The following UMPS variants were observed in gnomAD, a reference collection of about 807,000 sequenced individuals.
The protein encoded by UMPS is uridine monophosphate synthetase, also known as uridine 5'-monophosphate synthase.
UMPS carries 21 observed loss-of-function variants against 38.9 expected under a neutral mutation model. That is an observed-to-expected ratio of 0.54 (90% CI 0.38 to 0.78). The LOEUF (loss-of-function observed/expected upper bound fraction) is 0.78. Ranked by LOEUF, UMPS falls within the 30% of genes least tolerant of loss-of-function variation. The pLI is 0.00. For synonymous variants in UMPS, 208 were observed against 219.3 expected, an observed-to-expected ratio of 0.95 and a Z score of 0.45; for missense variants, 533 against 591.6, an observed-to-expected ratio of 0.90 and a Z score of 1.03.
Position 124,748,388 on chromosome 3 carries a change from T to C in UMPS, c.*4304T>C. On this transcript the variant is annotated 3_prime_UTR_variant, in exon 6 of 6. Transcript: ENST00000232607. ...TATGAGTTACCCTGCAATCCCTTTG[T>C]TTTCCCCATAACCCTTCCAAAGGAA... The C allele has an allele frequency of 4.4e-6, 2 of 454,042 alleles. No individual in the cohort carries two copies. The highest frequency in any genetic ancestry group is 3.1e-5 in the South Asian group (2 of 64,460). 28.1% of individuals were successfully genotyped at this position (454,042 alleles called of 1,614,324 possible).
chr3:124,736,985 A>G (rs891974878), intron 2 of UMPS, among the ~76,000 whole-genome samples: 4 of 152,238 alleles, frequency 2.6e-5, no homozygotes, highest in South Asian at 2.1e-4. Context: ...CAAAAAGTCA[A>G]TTATTTGGCT....
intron 2 of UMPS, 54 bp downstream of exon 2, chr3:124,735,300 C>T: frequency 6.5e-7 from 1 of 1,536,844 alleles, no homozygotes; most frequent in Non-Finnish European, 8.9e-7. Context: ...ACATCATACT[C>T]TTAGAATTTT....
Position 124,748,229 on chromosome 3 carries a change from C to T in UMPS, c.*4145C>T, listed in dbSNP as rs1406557206. 1 of 453,838 alleles carries T rather than the reference C, an allele frequency of 2.2e-6. No homozygotes were observed. The highest frequency in any genetic ancestry group is 2.4e-5 in the Admixed American group (1 of 42,544). 28.1% of individuals were successfully genotyped at this position (453,838 alleles called of 1,614,324 possible). A position where few individuals can be genotyped will look rare whatever the true frequency, so the allele number is the denominator to read the frequency against. On this transcript the variant is annotated 3_prime_UTR_variant, in exon 6 of 6. Transcript: ENST00000232607. ...ACAGGTGTGAGCCACTGCTCCCGGC[C>T]TGTTGGAGTTCTTTACATTTATTTT...
At position 124,730,497 on chromosome 3, in the gene UMPS, G is replaced by C. The variant is rs758909199; in HGVS notation, c.26G>C (p.Gly9Ala). ...ATGGCGGTCGCTCGTGCAGCTTTGG[G>C]GCCATTGGTGACGGGTCTGTACGAC... MAVARAAL[G>A]PLVTGLYDVQ... Residue 9 changes from glycine to alanine, a missense_variant, in exon 1 of 6, where the codon GGG becomes GCG. Gly to Ala is a moderately conservative substitution (Grantham distance 60, BLOSUM62 0). Transcript: ENST00000232607. 6.2e-7 allele frequency: 1 copy of C among 1,614,204 alleles called. No individual in the cohort carries two copies. Among genetic ancestry groups the C allele is most frequent in the Non-Finnish European group, 8.5e-7 (1 of 1,180,030 alleles).
At position 124,745,969 on chromosome 3, in the gene UMPS, G is replaced by A. The variant is rs1414238007; in HGVS notation, c.*1885G>A. ...TTCTGACTCTGGGTAGCTCTGGGAT[G>A]GGGCTTGAGAATTTGCGTTTCCAAA... is the stretch of plus-strand genomic sequence containing the variant. On this transcript the variant is annotated 3_prime_UTR_variant, in exon 6 of 6. Transcript: ENST00000232607. 2.2e-6 allele frequency: 1 copy of A among 454,144 alleles called. No individual in the cohort carries two copies. Among genetic ancestry groups the A allele is most frequent in the Non-Finnish European group, 4.4e-6 (1 of 226,794 alleles). 28.1% of individuals were successfully genotyped at this position (454,144 alleles called of 1,614,324 possible).
rs758378045 is a variant in UMPS at position 124,745,603 on chromosome 3, CA to C, written c.*1520del. Reference sequence around the variant, plus strand: ...AAGTCCAATTTGGGCTTCATGTCCCCAGTGCTGCATCTCCAGGGAAATGCTG... The same window carrying C: ...AAGTCCAATTTGGGCTTCATGTCCCCGTGCTGCATCTCCAGGGAAATGCTG... On this transcript the variant is annotated 3_prime_UTR_variant, in exon 6 of 6. Coordinates refer to ENST00000232607, the MANE Select transcript of UMPS (RefSeq NM_000373.4). 39 of 453,954 alleles carry C rather than the reference CA, an allele frequency of 8.6e-5. No individual in the cohort carries two copies. The highest frequency in any genetic ancestry group is 1.7e-4 in the Non-Finnish European group (38 of 226,790). The allele number at this position is 453,954 out of a possible 1,614,324, so 28.1% of individuals were successfully genotyped here.
At position 124,748,846 on chromosome 3, in the gene UMPS, TCTC is replaced by T. The variant is rs886057897; in HGVS notation, c.*4765_*4767del. On this transcript the variant is annotated 3_prime_UTR_variant, in exon 6 of 6. Transcript: ENST00000232607. ...GAGTAACATTATAGAGAAGCTGAAT[TCTC>T]CTGTTTTTCTGAAAAGGGCATGGGA... The T allele has an allele frequency of 1.7e-5, 7 of 412,522 alleles. No individual in the cohort carries two copies. The highest frequency in any genetic ancestry group is 2.4e-5 in the Non-Finnish European group (5 of 207,418). 25.6% of individuals were successfully genotyped at this position (412,522 alleles called of 1,614,324 possible). A position where few individuals can be genotyped will look rare whatever the true frequency, so the allele number is the denominator to read the frequency against.
chr3:124,730,620 T>C lies in UMPS; in HGVS notation c.149T>C (p.Leu50Pro). Residue 50 changes from leucine (L) to proline (P), a missense_variant, in exon 1 of 6, where the codon CTG (leucine) becomes CCG (proline). Physicochemically the swap from Leu to Pro is moderately conservative, Grantham distance 98 (BLOSUM62 -3). Transcript: ENST00000232607. The part of the protein sequence containing the change: ...LRGIVSRPRL[L>P]SQVADILFQT... Reference sequence around the variant, plus strand: ...GGCATCGTGTCTCGACCGCGTCTTCTGAGTCAGGTGCTGGCCTAGGAAGGG... The same window carrying C: ...GGCATCGTGTCTCGACCGCGTCTTCCGAGTCAGGTGCTGGCCTAGGAAGGG... 6.2e-7 allele frequency: 1 copy of C among 1,611,466 alleles called. No individual in the cohort carries two copies. The highest frequency in any genetic ancestry group is 2.2e-5 in the East Asian group (1 of 44,796).
In UMPS at chr3:124,737,755, C is replaced by T. The variant is rs377094041; in HGVS notation, c.498C>T (p.His166=). Residue 166 remains histidine (H), a synonymous_variant, in exon 3 of 6, where the codon CAC becomes CAT. Transcript: ENST00000232607. ...EQGGKDKLQA[H]GIRLHSVCTL... ...GAGGCAAGGACAAGTTGCAGGCGCACGGGATCCGCCTCCACTCAGTGTGTA... is the reference window on the plus strand; with the variant it reads ...GAGGCAAGGACAAGTTGCAGGCGCATGGGATCCGCCTCCACTCAGTGTGTA... 3.7e-5 allele frequency: 60 copies of T among 1,614,000 alleles called. No homozygotes were observed. The highest frequency in any genetic ancestry group is 2.9e-4 in the East Asian group (13 of 44,894).
chr3:124,737,519 TATAC>T (rs1257293960), intron 2 of UMPS, 45 bp from the exon 3 acceptor site: 17 of 1,562,300 alleles, frequency 1.1e-5, no homozygotes, highest in Non-Finnish European at 1.4e-5. Context: ...TATACGCACA[TATAC>T]ATACATATTT....
At chr3:124,737,349 A>C in intron 2 of UMPS, 1 of 549,966 alleles carries the variant, frequency 1.8e-6, no homozygotes, top group Non-Finnish European at 3.2e-6. Flanking sequence ...TTGATTTACT[A>C]TAAATATACT....
intron 1 of UMPS, among the ~76,000 whole-genome samples, chr3:124,731,189 A>G (rs543681812): frequency 6.7e-6 from 1 of 149,440 alleles, no homozygotes; most frequent in Non-Finnish European, 1.5e-5. Context: ...CTGGGCGACA[A>G]GTGAGACCCT....
rs765476247 is a variant in UMPS at position 124,737,552 on chromosome 3, A to C, written c.311-16A>C. 1 of 1,613,982 alleles carries C rather than the reference A, an allele frequency of 6.2e-7. No individual in the cohort carries two copies. Among genetic ancestry groups the C allele is most frequent in the South Asian group, 1.1e-5 (1 of 90,998 alleles). ...CATATTTAAATTTGGAATCAGCAAAATTTTTTCTTTTCTAGGAACTAAGCG... is the reference window on the plus strand; with the variant it reads ...CATATTTAAATTTGGAATCAGCAAACTTTTTTCTTTTCTAGGAACTAAGCG... On this transcript the variant is annotated splice_polypyrimidine_tract_variant and intron_variant, in intron 2 of 5. Coordinates refer to ENST00000232607, the MANE Select transcript of UMPS (RefSeq NM_000373.4).
chr3:124,741,656 A>C (rs2063557694), intron 4 of UMPS, among the ~76,000 whole-genome samples: 1 of 152,156 alleles, frequency 6.6e-6, no homozygotes, highest in Non-Finnish European at 1.5e-5. Flanking sequence ...CTCGCCTCAA[A>C]TCCTTTTTGG....
chr3:124,745,388 C>G lies in UMPS; in HGVS notation c.*1304C>G, dbSNP rs1186436514. 1 of 449,644 alleles carries G rather than the reference C, an allele frequency of 2.2e-6. No individual in the cohort carries two copies. Among genetic ancestry groups the G allele is most frequent in the Non-Finnish European group, 4.4e-6 (1 of 225,998 alleles). The allele number at this position is 449,644 out of a possible 1,614,324, so 27.9% of individuals were successfully genotyped here. On this transcript the variant is annotated 3_prime_UTR_variant, in exon 6 of 6. Coordinates refer to ENST00000232607, the MANE Select transcript of UMPS (RefSeq NM_000373.4). ...CTAGGATTTTTTTTTTTTTTTGAGA[C>G]AGAATCTCACTGTCGCCCAGGCTGG...
In UMPS at chr3:124,744,055, GAAGCGTA is replaced by G. The variant is rs1484746682; in HGVS notation, c.1415_1421del (p.Glu472ValfsTer2). 6.2e-7 allele frequency: 1 copy of G among 1,614,030 alleles called. No individual in the cohort carries two copies. Among genetic ancestry groups the G allele is most frequent in the Non-Finnish European group, 8.5e-7 (1 of 1,180,002 alleles). On this transcript the variant is annotated frameshift_variant, in exon 6 of 6. Transcript: ENST00000232607. LOFTEE classifies it high-confidence loss of function. ...AGAGATGTACAGAAAAGCTGCTTGG[GAAGCGTA>G]TTTGAGTAGACTTGGTGTTTGAGTG...
chr3:124,744,261 C>T lies in UMPS; in HGVS notation c.*177C>T, dbSNP rs1361106161. On this transcript the variant is annotated 3_prime_UTR_variant, in exon 6 of 6. Transcript: ENST00000232607. ...TAGGAAATATTGAGTAATTTGTAAT[C>T]ACCGCATTGATACTATAATAAGTTC... The T allele has an allele frequency of 1.3e-6, 1 of 763,746 alleles. No individual in the cohort carries two copies. Among genetic ancestry groups the T allele is most frequent in the Non-Finnish European group, 2.2e-6 (1 of 450,104 alleles). The allele number at this position is 763,746 out of a possible 1,614,324, so 47.3% of individuals were successfully genotyped here.
At chr3:124,740,860 G>A (rs1323072435) in intron 4 of UMPS, among the ~76,000 whole-genome samples, 9 of 152,046 alleles carry the variant, frequency 5.9e-5, no homozygotes. Flanking sequence ...TGAGGTGGGA[G>A]GATCGCTTGA....
intron 5 of UMPS, 88 bp downstream of exon 5, chr3:124,742,354 T>A: frequency 1.0e-6 from 1 of 973,102 alleles, no homozygotes. Flanking sequence ...ATTATACACT[T>A]GCTTAAGAAA....
Sources: allele counts gnomAD v4.1 joint callset (sites outside exome capture counted in the v4.1 genomes callset), GRCh38; gene constraint gnomAD v4.1.1; transcripts MANE v1.5; gene names NCBI Gene and HGNC (gene_info 2026-07-23, HGNC 2026-07-21).